Variants in PDE4D observed in about 807,000 individuals in gnomAD.
PDE4D encodes the protein 3',5'-cyclic-AMP phosphodiesterase 4D.
Under a neutral mutation model 87.4 loss-of-function variants are expected in PDE4D, and 24 were observed. The ratio of observed to expected loss-of-function variants is 0.27; its 90% confidence interval spans 0.20 to 0.39. The LOEUF is 0.39. PDE4D is among the 10% of genes least tolerant of loss of function. The pLI, the probability that PDE4D is intolerant of heterozygous loss-of-function variation, is 1.00. For synonymous variants in PDE4D, 384 were observed against 383.2 expected, an observed-to-expected ratio of 1.00 and a Z score of -0.02; for missense variants, 714 against 1,041.0, an observed-to-expected ratio of 0.69 and a Z score of 4.32.
intron 1 of PDE4D, among the ~76,000 whole-genome samples, chr5:59,341,893 C>T (rs551776021): frequency 1.3e-5 from 2 of 152,240 alleles, no homozygotes; most frequent in South Asian, 4.2e-4. Flanking sequence ...TGTGAGCTGA[C>T]TGTTTACTCT....
chr5:60,298,199 C>T (rs367617531), intron 1 of PDE4D, among the ~76,000 whole-genome samples: 10 of 151,354 alleles, frequency 6.6e-5, no homozygotes, highest in African/African-American at 1.9e-4. Context: ...TTATCAGGTA[C>T]AGAAAATTTA....
Position 59,289,071 on chromosome 5 carries a change from G to A in PDE4D, c.456-73103C>T, listed in dbSNP as rs183070165. ...TATTATAACACTGTTATTATAGTAT[G>A]TAAACAACTCATATCTTAAATAGAA... On this transcript the variant is annotated intron_variant, in intron 1 of 14. Transcript: ENST00000340635. 1.5e-3 allele frequency among the ~76,000 whole-genome samples: 227 copies of A among 152,124 alleles called. 1 individual carries two copies. The highest frequency in any genetic ancestry group is 0.01 in the Middle Eastern group (3 of 294).
intron 1 of PDE4D, among the ~76,000 whole-genome samples, chr5:59,774,689 CTT>C (rs71604800): frequency 1.5e-5 from 2 of 132,390 alleles, no homozygotes. Context: ...TTTCTTTTTT[CTT>C]TTTTTTTTTT....
intron 1 of PDE4D, among the ~76,000 whole-genome samples, chr5:60,339,050 C>T (rs538341231): frequency 6.4e-4 from 97 of 152,310 alleles, no homozygotes; most frequent in African/African-American, 2.3e-3. Context: ...ACTTATTGCA[C>T]ACTGTGGCCA....
chr5:59,165,950 C>T (rs1180982846), intron 5 of PDE4D, among the ~76,000 whole-genome samples: 1 of 152,172 alleles, frequency 6.6e-6, no homozygotes, highest in African/African-American at 2.4e-5. Context: ...AGACTTTCCC[C>T]TTGATTTGTA....
At chr5:59,656,228 C>A (rs1237225613) in intron 1 of PDE4D, among the ~76,000 whole-genome samples, 1 of 152,136 alleles carries the variant, frequency 6.6e-6, no homozygotes, top group African/African-American at 2.4e-5. Context: ...ACACACATCA[C>A]ACACAGACTT....
chr5:59,352,258 T>C (rs1780646048), intron 1 of PDE4D, among the ~76,000 whole-genome samples: 1 of 152,118 alleles, frequency 6.6e-6, no homozygotes, highest in African/African-American at 2.4e-5. Context: ...CAATTCTTCT[T>C]CTCTTATTTG....
intron 3 of PDE4D, among the ~76,000 whole-genome samples, chr5:59,978,204 G>T (rs1012396249): frequency 6.6e-6 from 1 of 152,062 alleles, no homozygotes; most frequent in Admixed American, 6.6e-5. Flanking sequence ...TAGGGCTATC[G>T]CTATGATAGA....
intron 1 of PDE4D, among the ~76,000 whole-genome samples, chr5:60,299,322 C>T (rs1168495222): frequency 6.6e-6 from 1 of 152,196 alleles, no homozygotes; most frequent in Non-Finnish European, 1.5e-5. Context: ...TATTCCTTGG[C>T]ATACCCAGCT....
intron 1 of PDE4D, among the ~76,000 whole-genome samples, chr5:59,589,206 C>CAT (rs1825596998): frequency 6.6e-6 from 1 of 152,200 alleles, no homozygotes; most frequent in Non-Finnish European, 1.5e-5. Context: ...AGCCTGTACA[C>CAT]ATTACCACAA....
At chr5:59,491,357 G>A (rs1156505287) in intron 1 of PDE4D, among the ~76,000 whole-genome samples, 4 of 152,086 alleles carry the variant, frequency 2.6e-5, no homozygotes, top group Admixed American at 1.3e-4. Context: ...CTTCTTTCTT[G>A]TTTTCTTGGC....
intron 1 of PDE4D, among the ~76,000 whole-genome samples, chr5:59,282,549 A>G (rs373774804): frequency 7.4e-5 from 11 of 148,318 alleles, no homozygotes; most frequent in African/African-American, 2.7e-4. Context: ...AGGCTGAGGC[A>G]GGAGAATTGC....
chr5:59,087,220 C>A (rs1316531596), intron 5 of PDE4D, among the ~76,000 whole-genome samples: 3 of 152,090 alleles, frequency 2.0e-5, no homozygotes, highest in African/African-American at 4.8e-5. Context: ...TGTGGTGACT[C>A]CCACCTGTCA....
intron 1 of PDE4D, among the ~76,000 whole-genome samples, chr5:60,497,116 C>T (rs2150241871): frequency 6.6e-6 from 1 of 152,188 alleles, no homozygotes; most frequent in South Asian, 2.1e-4. Context: ...AGGATAAGTC[C>T]TAGACCCAGA....
chr5:59,503,626 T>C (rs900158487), intron 1 of PDE4D, among the ~76,000 whole-genome samples: 2 of 152,172 alleles, frequency 1.3e-5, no homozygotes, highest in African/African-American at 4.8e-5. Flanking sequence ...AACATCAAAG[T>C]ATATGCTTCT....
intron 1 of PDE4D, among the ~76,000 whole-genome samples, chr5:59,856,208 G>GA (rs1170714357): frequency 1.3e-5 from 2 of 152,094 alleles, no homozygotes; most frequent in Non-Finnish European, 1.5e-5. Flanking sequence ...TATAGAAGTG[G>GA]AAGATAAGTG....
chr5:59,611,921 T>C (rs1829054280), intron 1 of PDE4D, among the ~76,000 whole-genome samples: 1 of 152,212 alleles, frequency 6.6e-6, no homozygotes, highest in Non-Finnish European at 1.5e-5. Context: ...CTATTTAGAA[T>C]GTGCAATGAG....
intron 1 of PDE4D, among the ~76,000 whole-genome samples, chr5:60,464,414 T>G (rs1271178085): frequency 1.3e-5 from 2 of 152,172 alleles, no homozygotes; most frequent in African/African-American, 2.4e-5. Flanking sequence ...AGAAGCAGAT[T>G]ATGAGAATCC....
At position 60,508,941 on chromosome 5, in the gene PDE4D, C is replaced by T. The variant is rs188832492; in HGVS notation, n.70+13110G>A. 1.9e-3 allele frequency among the ~76,000 whole-genome samples: 293 copies of T among 151,474 alleles called. 1 individual carries two copies. Among genetic ancestry groups the T allele is most frequent in the Admixed American group, 3.9e-3 (59 of 15,222 alleles). ...TTGAGACACAGTCTTGCTCTGTCAT[C>T]CAGGCTGGAGTGCAGTGGCATGATC... On this transcript the variant is annotated intron_variant and non_coding_transcript_variant, in intron 1 of 2. Transcript: ENST00000506510.
Sources: gnomAD v4.1 joint callset for allele counts (sites outside exome capture counted in the v4.1 genomes callset) on GRCh38, gnomAD v4.1.1 for gene constraint, MANE v1.5 for transcripts, NCBI Gene and HGNC (gene_info 2026-07-23, HGNC 2026-07-21) for gene names.